RTKN: variants seen among roughly 807,000 people sequenced by gnomAD.
The protein encoded by RTKN is rhotekin.
Under a neutral mutation model 63.5 loss-of-function variants are expected in RTKN, and 49 were observed. That is an observed-to-expected ratio of 0.77 (90% CI 0.61 to 0.98). The LOEUF (loss-of-function observed/expected upper bound fraction) is 0.98. Among genes scored for constraint, RTKN ranks in the 50% least tolerant of loss-of-function variants. The probability of loss-of-function intolerance (pLI) is 0.00; values close to 1 mark genes in which losing one functional copy is unlikely to be tolerated. For missense variants in RTKN, 685 were observed against 740.8 expected (o/e 0.92, Z 0.87); for synonymous variants, 295 against 290.4 (o/e 1.02, Z -0.16).
Position 74,432,518 on chromosome 2 carries a change from C to G in RTKN, c.260G>C (p.Gly87Ala), listed in dbSNP as rs1180452236. ...VCNSRILSYM[G>A]ELQRRKEAQV... ...CGCCTCCTTGCGCCGCTGCAGCTCG[C>G]CCATGTAGCTGAGGATGCGGCTGTT... The change falls in exon 2 of 12, where the codon GGC becomes GCC. Residue 87 changes from glycine (G) to alanine (A), a missense_variant. Physicochemically the swap from Gly to Ala is moderately conservative, Grantham distance 60. Coordinates refer to ENST00000272430, the MANE Select transcript of RTKN (RefSeq NM_001015055.2). The G allele has an allele frequency of 6.2e-7, 1 of 1,613,776 alleles. No homozygotes were observed. Among genetic ancestry groups the G allele is most frequent in the Admixed American group, 1.7e-5 (1 of 60,028 alleles).
chr2:74,439,438 C>A, intron 1 of RTKN: 4 of 1,209,426 alleles, frequency 3.3e-6, no homozygotes, highest in South Asian at 1.3e-5. Flanking sequence ...TCCCTCTTCC[C>A]ACTTTAAGCA....
intron 9 of RTKN, chr2:74,427,941 A>G: frequency 4.1e-6 from 2 of 489,996 alleles, no homozygotes; most frequent in Non-Finnish European, 7.4e-6. Context: ...GGGCAATTGG[A>G]CCTGGAGAGA....
chr2:74,439,439 A>C, intron 1 of RTKN: 1 of 1,228,794 alleles, frequency 8.1e-7, no homozygotes, highest in South Asian at 1.3e-5. Context: ...CCCTCTTCCC[A>C]CTTTAAGCAG....
At chr2:74,435,603 T>C (rs1671012843) in intron 1 of RTKN, among the ~76,000 whole-genome samples, 1 of 152,214 alleles carries the variant, frequency 6.6e-6, no homozygotes. Context: ...TGTTTGCTTC[T>C]GGCTGAGGTG....
At chr2:74,439,473 T>C (rs2103928137) in intron 1 of RTKN, 1 of 1,508,652 alleles carries the variant, frequency 6.6e-7, no homozygotes. Context: ...CACCATGCTG[T>C]AGCAGGAATG....
At chr2:74,432,222 C>G in intron 2 of RTKN, 1 of 668,424 alleles carries the variant, frequency 1.5e-6, no homozygotes. Flanking sequence ...TACTTGCTAC[C>G]CTTCAGATCA....
chr2:74,425,920 C>T lies in RTKN; in HGVS notation c.*323G>A. 2.6e-6 allele frequency: 2 copies of T among 758,018 alleles called. No individual in the cohort carries two copies. The highest frequency in any genetic ancestry group is 4.2e-6 in the Non-Finnish European group (2 of 480,232). The allele number at this position is 758,018 out of a possible 1,614,324, so 47.0% of individuals were successfully genotyped here. ...ACTTTAATGGTTGATGTGGGAGTCA[C>T]AAGGGAGGTATGTTTGCTCCAAGGG... On this transcript the variant is annotated 3_prime_UTR_variant, in exon 12 of 12. Transcript: ENST00000272430.
Position 74,439,592 on chromosome 2 carries a change from G to C in RTKN, c.111+2114C>G, listed in dbSNP as rs377248450. ...ATCTGCCGAATGTAGAGCATATTCA[G>C]GTCCTCCAGGATGTGCAATCTGTCC... On this transcript the variant is annotated intron_variant, in intron 1 of 11. Coordinates refer to ENST00000272430, the MANE Select transcript of RTKN (RefSeq NM_001015055.2). The C allele has an allele frequency of 5.6e-6, 9 of 1,614,000 alleles. No homozygotes were observed. In the African/African-American group the frequency reaches 1.1e-4, roughly 19 times the overall value.
chr2:74,426,365 C>G lies in RTKN; in HGVS notation c.1570G>C (p.Val524Leu). 1 of 1,611,136 alleles carries G rather than the reference C, an allele frequency of 6.2e-7. No individual in the cohort carries two copies. Among genetic ancestry groups the G allele is most frequent in the South Asian group, 1.1e-5 (1 of 90,892 alleles). The change falls in exon 12 of 12, where the codon GTC (valine) becomes CTC (leucine). Residue 524 changes from valine (V) to leucine (L), a missense_variant. Coordinates refer to ENST00000272430, the MANE Select transcript of RTKN (RefSeq NM_001015055.2). ...GRPRTFSLDA[V>L]PPDHSPRARS... is the part of the protein sequence containing the mutation. ...GCCCTAGGGGAGTGGTCTGGGGGGA[C>G]AGCATCCAGGGAAAAGGTTCGGGGT... is the stretch of plus-strand genomic sequence containing the variant.
chr2:74,428,578 C>A, intron 8 of RTKN, 53 bp downstream of exon 8: 1 of 1,554,624 alleles, frequency 6.4e-7, no homozygotes, highest in Non-Finnish European at 8.8e-7. Context: ...CCTGGTTATC[C>A]AGCTCTCCTC....
chr2:74,427,616 C>T (rs766191173), intron 9 of RTKN, 24 bp from the exon 10 acceptor site: 1 of 1,602,976 alleles, frequency 6.2e-7, no homozygotes, highest in Non-Finnish European at 8.5e-7. Context: ...AAGAGGTCTA[C>T]CTTGGTCACA....
Position 74,427,226 on chromosome 2 carries a change from C to T in RTKN, c.1303G>A (p.Ala435Thr). 1 of 1,614,172 alleles carries T rather than the reference C, an allele frequency of 6.2e-7. No individual in the cohort carries two copies. The highest frequency in any genetic ancestry group is 8.5e-7 in the Non-Finnish European group (1 of 1,180,038). Residue 435 changes from alanine (A) to threonine (T), a missense_variant, in exon 11 of 12, where the codon GCT becomes ACT. Coordinates refer to ENST00000272430, the MANE Select transcript of RTKN (RefSeq NM_001015055.2). ...CDEIMKIETP[A>T]PRKPPQALAK... ...AGTGCTTGGGGTGGTTTCCGGGGAG[C>T]AGGAGTTTCAATTTTCATGATTTCA...
intron 9 of RTKN, 61 bp downstream of exon 9, chr2:74,428,207 C>A: frequency 6.2e-7 from 1 of 1,611,942 alleles, no homozygotes; most frequent in Non-Finnish European, 8.5e-7. Flanking sequence ...CCTCCTGGGG[C>A]CTGAAGGAGA....
chr2:74,427,723 G>A, intron 9 of RTKN, 131 bp from the exon 10 acceptor site: 2 of 956,284 alleles, frequency 2.1e-6, no homozygotes, highest in Non-Finnish European at 1.6e-6. Context: ...GCCTCCTACT[G>A]ACCAGAGTAG....
chr2:74,440,413 G>T (rs771705674), intron 1 of RTKN: 23 of 986,596 alleles, frequency 2.3e-5, no homozygotes, highest in Non-Finnish European at 2.8e-5. Flanking sequence ...CCTGTCTGCT[G>T]CTGTCCCCGC....
chr2:74,433,437 A>G (rs1670875603), intron 1 of RTKN, among the ~76,000 whole-genome samples: 1 of 152,022 alleles, frequency 6.6e-6, no homozygotes, highest in African/African-American at 2.4e-5. Context: ...TCTTACACAT[A>G]TAATTTCACA....
intron 2 of RTKN, 99 bp downstream of exon 2, chr2:74,432,368 A>G (rs1465806400): frequency 1.7e-6 from 2 of 1,159,688 alleles, no homozygotes; most frequent in East Asian, 4.7e-5. Context: ...TGGGGAAGTC[A>G]TCTTTAAGGT....
At chr2:74,439,637 G>T (rs1240619020) in intron 1 of RTKN, 1 of 1,613,814 alleles carries the variant, frequency 6.2e-7, no homozygotes, top group Non-Finnish European at 8.5e-7. Flanking sequence ...GTGCCCCCCG[G>T]TGCCCTTTCC....
rs550607980 is a variant in RTKN at position 74,429,683 on chromosome 2, C to T, written c.755+145G>A. On this transcript the variant is annotated intron_variant, in intron 6 of 11. Transcript: ENST00000272430. Reference sequence around the variant, plus strand: ...CTGGGGCGTGGGCTGGAATGCCTCCCAGCTACGTGGCCACTGCTCATTCAT... The same window carrying T: ...CTGGGGCGTGGGCTGGAATGCCTCCTAGCTACGTGGCCACTGCTCATTCAT... 6.4e-6 allele frequency: 5 copies of T among 778,094 alleles called. No individual in the cohort carries two copies. The African/African-American group carries it at 8.7e-5, about 14-fold the overall frequency. The allele number at this position is 778,094 out of a possible 1,614,324, so 48.2% of individuals were successfully genotyped here.
Sources: gnomAD v4.1 joint callset for allele counts (sites outside exome capture counted in the v4.1 genomes callset) on GRCh38, gnomAD v4.1.1 for gene constraint, MANE v1.5 for transcripts, NCBI Gene and HGNC (gene_info 2026-07-23, HGNC 2026-07-21) for gene names.